The following RFFL variants were observed in gnomAD, a reference collection of about 807,000 sequenced individuals.
The protein encoded by RFFL is E3 ubiquitin-protein ligase rififylin.
Under a neutral mutation model 40.4 loss-of-function variants are expected in RFFL, and 16 were observed. The ratio of observed to expected loss-of-function variants is 0.40; its 90% CI spans 0.27 to 0.60. The LOEUF is 0.60. RFFL is among the 20% of genes least tolerant of loss of function. The pLI, the probability that RFFL is intolerant of heterozygous loss-of-function variation, is 0.47. For synonymous variants in RFFL, 154 were observed against 167.9 expected (o/e 0.92, Z 0.64); for missense variants, 367 against 451.7 (o/e 0.81, Z 1.70).
chr17:35,088,394 T>C (rs2091441469), intron 1 of RFFL, among the ~76,000 whole-genome samples: 1 of 152,212 alleles, frequency 6.6e-6, no homozygotes, highest in African/African-American at 2.4e-5. Context: ...TTATCTCTTC[T>C]GCCAGCCTGA....
intron 6 of RFFL, among the ~76,000 whole-genome samples, chr17:35,012,409 C>A (rs2142311921): frequency 6.6e-6 from 1 of 152,316 alleles, no homozygotes; most frequent in South Asian, 2.1e-4. Context: ...GGATCAGACA[C>A]ATCCCAGAAC....
At chr17:35,055,762 C>G (rs1339329223) in intron 1 of RFFL, among the ~76,000 whole-genome samples, 1 of 151,832 alleles carries the variant, frequency 6.6e-6, no homozygotes, top group Non-Finnish European at 1.5e-5. Flanking sequence ...TCACACAGCG[C>G]TAGATACTGA....
At chr17:35,030,536 A>C (rs1020181304) in intron 1 of RFFL, among the ~76,000 whole-genome samples, 1 of 152,002 alleles carries the variant, frequency 6.6e-6, no homozygotes, top group African/African-American at 2.4e-5. Context: ...TCCTGACCTC[A>C]TGATCTGCCC....
intron 3 of RFFL, among the ~76,000 whole-genome samples, chr17:35,020,116 G>T (rs182181000): frequency 2.6e-4 from 39 of 152,288 alleles, no homozygotes; most frequent in Non-Finnish European, 4.4e-5. Context: ...ATCAAAAGTG[G>T]TCTGTGATTA....
chr17:35,074,817 T>A (rs1465346285), intron 1 of RFFL, among the ~76,000 whole-genome samples: 2 of 152,204 alleles, frequency 1.3e-5, no homozygotes, highest in Non-Finnish European at 2.9e-5. Flanking sequence ...AATTCTCCCA[T>A]ACTTTTAGAC....
At chr17:35,033,587 G>A (rs1271815812) in intron 1 of RFFL, among the ~76,000 whole-genome samples, 1 of 151,894 alleles carries the variant, frequency 6.6e-6, no homozygotes, top group African/African-American at 2.4e-5. Context: ...ATCAGATTAG[G>A]GGGTAGGTCT....
At chr17:35,074,771 C>A (rs2091367938) in intron 1 of RFFL, among the ~76,000 whole-genome samples, 1 of 152,166 alleles carries the variant, frequency 6.6e-6, no homozygotes, top group African/African-American at 2.4e-5. Flanking sequence ...TATCACATAG[C>A]AAAAGAAGTG....
At chr17:35,039,332 G>A (rs556851972) in intron 1 of RFFL, among the ~76,000 whole-genome samples, 12 of 152,216 alleles carry the variant, frequency 7.9e-5, no homozygotes, top group East Asian at 7.7e-4. Context: ...CGATTCTCAC[G>A]CCTCAGCCTC....
At chr17:35,072,504 G>C (rs552045257) in intron 1 of RFFL, among the ~76,000 whole-genome samples, 2 of 152,084 alleles carry the variant, frequency 1.3e-5, no homozygotes, top group South Asian at 4.1e-4. Context: ...TAGCACAAGG[G>C]GGATCTTTGT....
At chr17:35,020,262 C>T (rs1206767008) in intron 3 of RFFL, among the ~76,000 whole-genome samples, 2 of 151,918 alleles carry the variant, frequency 1.3e-5, no homozygotes, top group Non-Finnish European at 1.5e-5. Context: ...ATCAAGGGTC[C>T]CCAACCCCTG....
intron 1 of RFFL, among the ~76,000 whole-genome samples, chr17:35,062,311 G>A (rs937283930): frequency 1.3e-5 from 2 of 152,004 alleles, no homozygotes; most frequent in African/African-American, 4.8e-5. Flanking sequence ...GCTAAGGCAG[G>A]AGAATCGCTT....
At chr17:35,029,341 T>G (rs956272199) in intron 1 of RFFL, among the ~76,000 whole-genome samples, 5 of 125,972 alleles carry the variant, frequency 4.0e-5, no homozygotes, top group South Asian at 2.5e-4. Flanking sequence ...TATTTTGTAG[T>G]TTTTTTTTTT....
chr17:35,073,057 A>T (rs1245091431), intron 1 of RFFL, among the ~76,000 whole-genome samples: 1 of 152,072 alleles, frequency 6.6e-6, no homozygotes, highest in Non-Finnish European at 1.5e-5. Context: ...AAAAAAAAAC[A>T]TGAAATTATT....
chr17:35,051,492 A>G (rs1000226574), intron 1 of RFFL, among the ~76,000 whole-genome samples: 12 of 152,212 alleles, frequency 7.9e-5, no homozygotes, highest in African/African-American at 2.9e-4. Context: ...TTTCAGTGAC[A>G]ATAAAGTACA....
upstream of RFFL, among the ~76,000 whole-genome samples, chr17:35,064,816 G>A (rs546108411): frequency 5.3e-5 from 8 of 152,124 alleles, no homozygotes; most frequent in African/African-American, 1.2e-4. Context: ...TAAAATGTAC[G>A]TGCAGACAGA....
At chr17:35,068,398 T>C (rs2091331281), upstream of RFFL, among the ~76,000 whole-genome samples, 1 of 152,192 alleles carries the variant, frequency 6.6e-6, no homozygotes, top group South Asian at 2.1e-4. Flanking sequence ...GATCATTCCA[T>C]CTTGGGGCCA....
At chr17:35,062,064 C>G (rs2091294258) in intron 1 of RFFL, among the ~76,000 whole-genome samples, 1 of 151,886 alleles carries the variant, frequency 6.6e-6, no homozygotes, top group Non-Finnish European at 1.5e-5. Flanking sequence ...AAACAGTACT[C>G]CAACAAAATC....
chr17:35,039,470 G>A (rs777317048), intron 1 of RFFL, among the ~76,000 whole-genome samples: 7 of 151,040 alleles, frequency 4.6e-5, no homozygotes, highest in Non-Finnish European at 1.0e-4. Context: ...CGCCCACCTC[G>A]GCCTCCCAAA....
intron 1 of RFFL, among the ~76,000 whole-genome samples, chr17:35,056,125 G>C (rs1468168445): frequency 6.6e-6 from 1 of 151,984 alleles, no homozygotes; most frequent in Non-Finnish European, 1.5e-5. Flanking sequence ...CCCAGGTCTT[G>C]GGTATTGACT....
Sources: gnomAD v4.1 joint callset for allele counts (sites outside exome capture counted in the v4.1 genomes callset) on GRCh38, gnomAD v4.1.1 for gene constraint, MANE v1.5 for transcripts, NCBI Gene and HGNC (gene_info 2026-07-23, HGNC 2026-07-21) for gene names.